The following TGFBR3 variants were observed in gnomAD, a reference collection of about 807,000 sequenced individuals.
The protein encoded by TGFBR3 is transforming growth factor beta receptor type 3.
TGFBR3 carries 46 observed loss-of-function variants against 87.9 expected under a neutral mutation model. That is an observed-to-expected ratio of 0.52 (90% CI 0.41 to 0.67). The LOEUF is 0.67. Among genes scored for constraint, TGFBR3 ranks in the 30% least tolerant of loss-of-function variants. The pLI is 0.00. For missense variants in TGFBR3, 866 were observed against 1,041.9 expected, an observed-to-expected ratio of 0.83 and a Z score of 2.32; for synonymous variants, 381 against 391.6, an observed-to-expected ratio of 0.97 and a Z score of 0.32.
At chr1:91,742,073 C>G (rs1424552780) in intron 4 of TGFBR3, among the ~76,000 whole-genome samples, 1 of 152,098 alleles carries the variant, frequency 6.6e-6, no homozygotes, top group Non-Finnish European at 1.5e-5. Context: ...CACCCTGCAC[C>G]CTGCCTGAAC....
chr1:91,812,618 C>T (rs284147), intron 2 of TGFBR3, among the ~76,000 whole-genome samples: 109,595 of 152,114 alleles, frequency 0.72, 40,352 homozygotes, highest in African/African-American at 0.89. Flanking sequence ...ATAGTTTTTT[C>T]GGTTTCGTTT....
At chr1:91,717,886 T>A (rs1436958539) in intron 10 of TGFBR3, among the ~76,000 whole-genome samples, 4 of 151,890 alleles carry the variant, frequency 2.6e-5, no homozygotes, top group South Asian at 2.1e-4. Context: ...TTTTTTTTTT[T>A]TTATTTTTTC....
intron 11 of TGFBR3, 82 bp from the exon 12 acceptor site, chr1:91,716,476 A>C (rs1672176536): frequency 1.2e-6 from 2 of 1,613,870 alleles, no homozygotes; most frequent in Middle Eastern, 1.7e-4. Context: ...TTTGGCTTTT[A>C]ACATCTGATT....
At chr1:91,688,475 T>A (rs145798970) in intron 16 of TGFBR3, among the ~76,000 whole-genome samples, 2 of 152,284 alleles carry the variant, frequency 1.3e-5, no homozygotes, top group Admixed American at 1.3e-4. Context: ...ATTAGTTGTG[T>A]TTCCCTTTAG....
At chr1:91,685,844 C>T (rs950570624) in intron 16 of TGFBR3, among the ~76,000 whole-genome samples, 7 of 152,092 alleles carry the variant, frequency 4.6e-5, no homozygotes, top group African/African-American at 1.7e-4. Flanking sequence ...CTCCAGAGAC[C>T]CAAACAACTC....
chr1:91,875,910 C>CAAAAA (rs34185299), intron 1 of TGFBR3, among the ~76,000 whole-genome samples: 4 of 63,450 alleles, frequency 6.3e-5, no homozygotes, highest in African/African-American at 1.2e-4. Flanking sequence ...GACTCCGTCT[C>CAAAAA]AAAAAAAAAA....
At chr1:91,751,441 G>A (rs929054025) in intron 4 of TGFBR3, among the ~76,000 whole-genome samples, 1 of 152,146 alleles carries the variant, frequency 6.6e-6, no homozygotes, top group Admixed American at 6.5e-5. Flanking sequence ...GCTGCACTGA[G>A]CACACATCTG....
At chr1:91,812,197 T>C (rs1014383815) in intron 2 of TGFBR3, among the ~76,000 whole-genome samples, 1 of 152,188 alleles carries the variant, frequency 6.6e-6, no homozygotes, top group Non-Finnish European at 1.5e-5. Context: ...CAAAGCTACA[T>C]CTATTATTTA....
chr1:91,768,635 T>A (rs1308108458), intron 3 of TGFBR3, among the ~76,000 whole-genome samples: 1 of 152,174 alleles, frequency 6.6e-6, no homozygotes, highest in Non-Finnish European at 1.5e-5. Flanking sequence ...TTTAAAAATG[T>A]GTAGCACCTT....
intron 3 of TGFBR3, among the ~76,000 whole-genome samples, chr1:91,761,549 G>A (rs1368583403): frequency 6.6e-6 from 1 of 152,164 alleles, no homozygotes; most frequent in Non-Finnish European, 1.5e-5. Flanking sequence ...GGGACAATGA[G>A]TCCTGCAAGT....
At chr1:91,738,783 G>A (rs187714773) in intron 4 of TGFBR3, among the ~76,000 whole-genome samples, 135 of 152,322 alleles carry the variant, frequency 8.9e-4, no homozygotes, top group Admixed American at 3.3e-3. Flanking sequence ...TGGAGTGCCT[G>A]CCTACTCCAT....
chr1:91,735,906 T>C (rs1672952411), intron 4 of TGFBR3, among the ~76,000 whole-genome samples: 2 of 152,196 alleles, frequency 1.3e-5, no homozygotes, highest in Admixed American at 1.3e-4. Flanking sequence ...CATAGAACTA[T>C]AAATGTCTTG....
chr1:91,780,074 T>C (rs1674705512), intron 3 of TGFBR3, among the ~76,000 whole-genome samples: 1 of 152,188 alleles, frequency 6.6e-6, no homozygotes, highest in Non-Finnish European at 1.5e-5. Flanking sequence ...GTGACTGTAT[T>C]TAGGGGCCAC....
intron 2 of TGFBR3, among the ~76,000 whole-genome samples, chr1:91,798,344 G>T (rs1675467853): frequency 6.6e-6 from 1 of 152,128 alleles, no homozygotes; most frequent in African/African-American, 2.4e-5. Flanking sequence ...CAGAATAGCT[G>T]CCCTACCAAA....
In TGFBR3 at chr1:91,683,550, T is replaced by A; in HGVS notation, c.*189A>T. Reference sequence around the variant, plus strand: ...GTGGTACAGAAGCCCAGGGTCATGTTTATACTAGCCCTGGGTGTGGGGTGA... The same window carrying A: ...GTGGTACAGAAGCCCAGGGTCATGTATATACTAGCCCTGGGTGTGGGGTGA... On this transcript the variant is annotated 3_prime_UTR_variant, in exon 17 of 17. Coordinates refer to ENST00000212355, the MANE Select transcript of TGFBR3 (RefSeq NM_003243.5). 1.4e-6 allele frequency: 1 copy of A among 701,040 alleles called. No individual in the cohort carries two copies. Among genetic ancestry groups the A allele is most frequent in the Non-Finnish European group, 2.6e-6 (1 of 386,468 alleles). The allele number at this position is 701,040 out of a possible 1,614,324, so 43.4% of individuals were successfully genotyped here.
chr1:91,713,833 TACTA>T (rs1169565985), intron 12 of TGFBR3, among the ~76,000 whole-genome samples: 3 of 152,092 alleles, frequency 2.0e-5, no homozygotes, highest in Non-Finnish European at 4.4e-5. Context: ...TATGTGCTAT[TACTA>T]AAAACTGCCG....
At chr1:91,741,694 G>C (rs542085027) in intron 4 of TGFBR3, among the ~76,000 whole-genome samples, 2 of 152,082 alleles carry the variant, frequency 1.3e-5, no homozygotes, top group African/African-American at 4.8e-5. Context: ...GAGATGATGA[G>C]GGTTGGAGGA....
intron 4 of TGFBR3, among the ~76,000 whole-genome samples, chr1:91,745,492 C>T (rs1289424712): frequency 6.6e-6 from 1 of 152,082 alleles, no homozygotes; most frequent in East Asian, 1.9e-4. Flanking sequence ...CAGATTGGCC[C>T]TAGAACTCAT....
intron 2 of TGFBR3, among the ~76,000 whole-genome samples, chr1:91,858,664 C>T (rs1311923488): frequency 2.0e-5 from 3 of 146,514 alleles, no homozygotes; most frequent in Non-Finnish European, 3.0e-5. Context: ...TTCATTTGAT[C>T]TATTATGTTG....
Sources: allele counts gnomAD v4.1 joint callset (sites outside exome capture counted in the v4.1 genomes callset), GRCh38; gene constraint gnomAD v4.1.1; transcripts MANE v1.5; gene names NCBI Gene and HGNC (gene_info 2026-07-23, HGNC 2026-07-21).